The following LIPA variants were observed in gnomAD, a reference collection of about 807,000 sequenced individuals.
The protein encoded by LIPA is lipase A, lysosomal acid type, also known as lysosomal acid lipase/cholesteryl ester hydrolase.
In LIPA, 26 loss-of-function variants were observed where a neutral mutation model predicts 40.6. That is an observed-to-expected ratio of 0.64 (90% CI 0.47 to 0.89). The LOEUF is 0.89. Among genes scored for constraint, LIPA ranks in the 40% least tolerant of loss-of-function variants. The probability of loss-of-function intolerance (pLI) is 0.00; values close to 1 mark genes in which losing one functional copy is unlikely to be tolerated. For synonymous variants in LIPA, 188 were observed against 168.4 expected, an observed-to-expected ratio of 1.12 and a Z score of -0.90; for missense variants, 455 against 479.6, an observed-to-expected ratio of 0.95 and a Z score of 0.48.
intron 2 of LIPA, among the ~76,000 whole-genome samples, chr10:89,360,858 C>A (rs1036281909): frequency 2.0e-5 from 3 of 152,186 alleles, no homozygotes; most frequent in African/African-American, 7.2e-5. Flanking sequence ...AGTTTTGGAG[C>A]CCAAGAGCCT....
chr10:89,222,667 C>T, intron 7 of LIPA, 85 bp from the exon 8 acceptor site: 3 of 894,488 alleles, frequency 3.4e-6, no homozygotes, highest in Non-Finnish European at 5.6e-6. Context: ...CCCTTCAAAG[C>T]ACTAAAAACT....
At chr10:89,378,755 T>C (rs1164790785) in intron 2 of LIPA, among the ~76,000 whole-genome samples, 2 of 152,220 alleles carry the variant, frequency 1.3e-5, no homozygotes, top group Non-Finnish European at 2.9e-5. Flanking sequence ...AGAATATATG[T>C]AGAGGCAAGT....
intron 2 of LIPA, among the ~76,000 whole-genome samples, chr10:89,370,392 GT>G (rs999057115): frequency 5.4e-5 from 8 of 147,930 alleles, no homozygotes; most frequent in Non-Finnish European, 7.5e-5. Flanking sequence ...ATCGGGCTAA[GT>G]TTTTTTTTTA....
In LIPA at chr10:89,223,646, T is replaced by TA. The variant is rs752384602; in HGVS notation, c.822+37dup. The TA allele has an allele frequency of 0.016, 18,318 of 1,153,242 alleles. 1 individual carries two copies. The highest frequency in any genetic ancestry group is 0.018 in the Non-Finnish European group (15,345 of 829,702). The allele number at this position is 1,153,242 out of a possible 1,614,324, so 71.4% of individuals were successfully genotyped here. On this transcript the variant is annotated intron_variant, in intron 7 of 9. Transcript: ENST00000336233. ...CAACACAAATAAGCACATTCACAGA[T>TA]AAAAAAAAAAATCAAATCTTACTAT...
chr10:89,282,672 CA>C lies in LIPA; in HGVS notation c.-1-35024del, dbSNP rs199841771. On this transcript the variant is annotated intron_variant, in intron 1 of 5. Coordinates refer to the LIPA transcript ENST00000282673. ...ATAAAAAAAAAAGAAAGAAAGAAAA[CA>C]GATACTTTCATCGAATCCATTATGT... Among the ~76,000 whole-genome samples, 1,156 of 152,050 alleles carry C rather than the reference CA, an allele frequency of 7.6e-3. 22 individuals are homozygous for C. Among genetic ancestry groups the C allele is most frequent in the African/African-American group, 0.026 (1,097 of 41,510 alleles).
At chr10:89,289,137 A>AAG (rs1210542590) in intron 1 of LIPA, among the ~76,000 whole-genome samples, 1 of 128,544 alleles carries the variant, frequency 7.8e-6, no homozygotes, top group African/African-American at 2.9e-5. Context: ...CTACTCTCCC[A>AAG]CTGAAACTTC....
intron 2 of LIPA, among the ~76,000 whole-genome samples, chr10:89,370,228 TG>T (rs953947311): frequency 2.0e-5 from 3 of 151,988 alleles, no homozygotes; most frequent in Admixed American, 6.6e-5. Flanking sequence ...TTGTTTGTTT[TG>T]TTTTTTTTTT....
intron 2 of LIPA, among the ~76,000 whole-genome samples, chr10:89,376,701 A>C (rs372426448): frequency 3.3e-5 from 5 of 152,210 alleles, no homozygotes; most frequent in African/African-American, 1.2e-4. Flanking sequence ...TAAACTGGCC[A>C]ATATGAATGA....
chr10:89,232,182 G>A (rs751632875), intron 3 of LIPA, among the ~76,000 whole-genome samples: 7 of 152,328 alleles, frequency 4.6e-5, no homozygotes, highest in South Asian at 4.1e-4. Context: ...GTAACTGTAC[G>A]TGAGAATGGT....
At chr10:89,360,443 A>G (rs1001039311) in intron 2 of LIPA, among the ~76,000 whole-genome samples, 4 of 152,256 alleles carry the variant, frequency 2.6e-5, no homozygotes, top group Non-Finnish European at 5.9e-5. Flanking sequence ...GCTCACCAAG[A>G]TAAGTGTCCT....
intron 2 of LIPA, among the ~76,000 whole-genome samples, chr10:89,408,214 T>A (rs545928090): frequency 4.6e-5 from 7 of 152,318 alleles, no homozygotes; most frequent in African/African-American, 1.4e-4. Context: ...TTTTCTGTGC[T>A]ATGGCCTGGC....
chr10:89,226,213 T>C (rs1383433648), intron 5 of LIPA, among the ~76,000 whole-genome samples: 1 of 152,168 alleles, frequency 6.6e-6, no homozygotes, highest in African/African-American at 2.4e-5. Context: ...ACCACATGTT[T>C]TGAGACCCTT....
At chr10:89,359,005 A>G (rs2133590730) in intron 2 of LIPA, among the ~76,000 whole-genome samples, 1 of 152,364 alleles carries the variant, frequency 6.6e-6, no homozygotes, top group South Asian at 2.1e-4. Flanking sequence ...GTATAAATGT[A>G]TCAAAATATC....
At chr10:89,250,950 GCTTTGTAC>G (rs1843110887) in intron 1 of LIPA, among the ~76,000 whole-genome samples, 1 of 152,140 alleles carries the variant, frequency 6.6e-6, no homozygotes, top group Admixed American at 6.5e-5. Flanking sequence ...ATCTGACTCA[GCTTTGTAC>G]CCCCAGGACC....
intron 1 of LIPA, among the ~76,000 whole-genome samples, chr10:89,269,388 C>T (rs1171350428): frequency 6.6e-6 from 1 of 152,044 alleles, no homozygotes; most frequent in East Asian, 1.9e-4. Context: ...GCTCTATATC[C>T]ATGGTAATTT....
chr10:89,276,514 T>A (rs1241154105), intron 1 of LIPA, among the ~76,000 whole-genome samples: 1 of 152,222 alleles, frequency 6.6e-6, no homozygotes, highest in East Asian at 1.9e-4. Flanking sequence ...TCTTGAGATA[T>A]CTTTATGGAT....
intron 2 of LIPA, among the ~76,000 whole-genome samples, chr10:89,382,667 T>G (rs919148320): frequency 1.3e-5 from 2 of 152,242 alleles, no homozygotes; most frequent in African/African-American, 4.8e-5. Flanking sequence ...ATGCCTCTTC[T>G]TCTGTCCCCA....
chr10:89,234,387 C>G (rs1444299174), intron 3 of LIPA, among the ~76,000 whole-genome samples: 1 of 152,216 alleles, frequency 6.6e-6, no homozygotes, highest in African/African-American at 2.4e-5. Context: ...ACAAAAAAGT[C>G]TCTTCTGAGG....
At chr10:89,261,791 G>C (rs922823646) in intron 1 of LIPA, among the ~76,000 whole-genome samples, 2 of 152,108 alleles carry the variant, frequency 1.3e-5, no homozygotes, top group African/African-American at 4.8e-5. Context: ...ATATTGAATG[G>C]GCTGAACTTG....
Sources: allele counts gnomAD v4.1 joint callset (sites outside exome capture counted in the v4.1 genomes callset), GRCh38; gene constraint gnomAD v4.1.1; transcripts MANE v1.5; gene names NCBI Gene and HGNC (gene_info 2026-07-23, HGNC 2026-07-21).